ELMOD1: variants seen among roughly 807,000 people sequenced by gnomAD.
ELMOD1 encodes ELMO domain containing 1.
A neutral mutation model predicts 46.7 loss-of-function variants in ELMOD1; 21 were observed. The ratio of observed to expected loss-of-function variants is 0.45; its 90% confidence interval spans 0.32 to 0.65. ELMOD1 has a LOEUF of 0.65. ELMOD1 is among the 30% of genes least tolerant of loss of function. ELMOD1 has a pLI of 0.04. For missense variants in ELMOD1, 348 were observed against 407.8 expected, an observed-to-expected ratio of 0.85 and a Z score of 1.26; for synonymous variants, 122 against 138.2, an observed-to-expected ratio of 0.88 and a Z score of 0.82.
Position 107,631,606 on chromosome 11 carries a change from C to A in ELMOD1, c.219C>A (p.His73Gln). The part of the protein sequence containing the change: ...SKLLQTSVSV[H>Q]PDAIEKTIED... Reference sequence around the variant, plus strand: ...TGTTGCAGACTTCTGTGAGTGTTCACCCCGACGCTATTGAAAAAACTATAG... The same window carrying A: ...TGTTGCAGACTTCTGTGAGTGTTCAACCCGACGCTATTGAAAAAACTATAG... Residue 73 changes from histidine (H) to glutamine (Q), a missense_variant, in exon 5 of 12, where the codon CAC (histidine) becomes CAA (glutamine). Physicochemically the swap from His to Gln is conservative, Grantham distance 24. Transcript: ENST00000265840. 6.4e-7 allele frequency: 1 copy of A among 1,565,032 alleles called. No individual in the cohort carries two copies. The highest frequency in any genetic ancestry group is 8.7e-7 in the Non-Finnish European group (1 of 1,154,184).
chr11:107,591,159 G>T lies in ELMOD1; in HGVS notation c.-336G>T. ...CCCCGCTGCTCTCGGTCGCCTCCTC[G>T]CCGCCAGCCGCCCCGGGTGCATCCC... On this transcript the variant is annotated 5_prime_UTR_variant, in exon 1 of 12. Transcript: ENST00000265840. 6.5e-6 allele frequency: 1 copy of T among 153,276 alleles called. No individual in the cohort carries two copies. Among genetic ancestry groups the T allele is most frequent in the Non-Finnish European group, 1.4e-5 (1 of 68,984 alleles). 9.5% of individuals were successfully genotyped at this position (153,276 alleles called of 1,614,324 possible). A position where few individuals can be genotyped will look rare whatever the true frequency, so the allele number is the denominator to read the frequency against.
intron 11 of ELMOD1, among the ~76,000 whole-genome samples, chr11:107,658,293 T>G (rs74893323): frequency 0.047 from 7,199 of 152,332 alleles, 201 homozygotes; most frequent in South Asian, 0.079. Flanking sequence ...TATTTGATTC[T>G]GAACAATGTG....
At chr11:107,599,739 T>C (rs1865558535) in intron 1 of ELMOD1, among the ~76,000 whole-genome samples, 1 of 21,450 alleles carries the variant, frequency 4.7e-5, no homozygotes, top group East Asian at 3.9e-3. Flanking sequence ...GAGACCTGTC[T>C]CAAAAAAAAA....
At chr11:107,635,510 C>A in intron 5 of ELMOD1, 126 bp from the exon 6 acceptor site, 2 of 968,086 alleles carry the variant, frequency 2.1e-6, no homozygotes, top group Non-Finnish European at 3.0e-6. Context: ...AATAGATCAT[C>A]TTTGAGCAAT....
intron 2 of ELMOD1, among the ~76,000 whole-genome samples, chr11:107,630,056 C>T (rs990436236): frequency 6.6e-6 from 1 of 152,094 alleles, no homozygotes; most frequent in Admixed American, 6.5e-5. Context: ...GTTCTTCCCC[C>T]ACGTCAAAGG....
intron 11 of ELMOD1, among the ~76,000 whole-genome samples, chr11:107,656,704 C>T (rs1866640345): frequency 6.6e-6 from 1 of 152,048 alleles, no homozygotes; most frequent in African/African-American, 2.4e-5. Context: ...GTATCCCCTT[C>T]TGGTCTGACT....
intron 6 of ELMOD1, among the ~76,000 whole-genome samples, chr11:107,638,407 C>T (rs1866265549): frequency 6.6e-6 from 1 of 152,142 alleles, no homozygotes; most frequent in African/African-American, 2.4e-5. Flanking sequence ...CTGCTGTTGT[C>T]TTCATTTTTC....
At position 107,643,437 on chromosome 11, in the gene ELMOD1, A is replaced by G. The variant is rs541388523; in HGVS notation, c.421-4031A>G. ...AAAGTATGCTGGTCCAAGTTTTGCT[A>G]TAGATGATTCCTTTATACTAACCCT... On this transcript the variant is annotated intron_variant, in intron 6 of 11. Transcript: ENST00000265840. 5.9e-4 allele frequency: 141 copies of G among 239,688 alleles called. 5 individuals carry two copies. The South Asian group carries it at 7.7e-3, about 13-fold the overall frequency. 14.8% of individuals were successfully genotyped at this position (239,688 alleles called of 1,614,324 possible). A position where few individuals can be genotyped will look rare whatever the true frequency, so the allele number is the denominator to read the frequency against.
At chr11:107,643,779 A>G (rs1201496945) in intron 6 of ELMOD1, 7 of 438,058 alleles carry the variant, frequency 1.6e-5, no homozygotes, top group East Asian at 5.8e-5. Context: ...ACTGCTGAAC[A>G]GCTAGCGTAC....
chr11:107,595,486 A>G (rs1187698528), intron 1 of ELMOD1, among the ~76,000 whole-genome samples: 2 of 152,210 alleles, frequency 1.3e-5, no homozygotes, highest in Non-Finnish European at 2.9e-5. Flanking sequence ...CAATTAGGCC[A>G]TAGGTTTTGT....
At chr11:107,595,997 G>A (rs938693623) in intron 1 of ELMOD1, among the ~76,000 whole-genome samples, 1 of 151,980 alleles carries the variant, frequency 6.6e-6, no homozygotes, top group African/African-American at 2.4e-5. Flanking sequence ...AATAATTGTG[G>A]CAAATGCCTA....
chr11:107,650,476 C>T (rs570892039), intron 8 of ELMOD1, 73 bp downstream of exon 8: 1 of 1,061,102 alleles, frequency 9.4e-7, no homozygotes, highest in Non-Finnish European at 1.4e-6. Flanking sequence ...CTACATGTAT[C>T]TGTTGATGAG....
chr11:107,655,845 C>G, intron 10 of ELMOD1, 88 bp from the exon 11 acceptor site: 1 of 1,387,112 alleles, frequency 7.2e-7, no homozygotes, highest in South Asian at 1.4e-5. Flanking sequence ...TGTCGTGGCA[C>G]TGGTAGGAGT....
At chr11:107,606,047 T>C (rs1004326466) in intron 1 of ELMOD1, among the ~76,000 whole-genome samples, 1 of 152,244 alleles carries the variant, frequency 6.6e-6, no homozygotes, top group African/African-American at 2.4e-5. Context: ...TTTTCTTTCC[T>C]TCTCTTTCTT....
intron 11 of ELMOD1, among the ~76,000 whole-genome samples, chr11:107,663,033 A>G (rs1271475317): frequency 6.6e-6 from 1 of 152,096 alleles, no homozygotes. Context: ...CTGGCAAGAA[A>G]CAAGCTTTTA....
At chr11:107,656,511 GAGAT>G (rs1423567082) in intron 11 of ELMOD1, among the ~76,000 whole-genome samples, 1 of 150,752 alleles carries the variant, frequency 6.6e-6, no homozygotes, top group Admixed American at 6.6e-5. Flanking sequence ...GAGAAAGAGA[GAGAT>G]TTCTGTAGAA....
chr11:107,603,580 C>G (rs1362412652), intron 1 of ELMOD1, among the ~76,000 whole-genome samples: 5 of 151,672 alleles, frequency 3.3e-5, no homozygotes, highest in Non-Finnish European at 7.4e-5. Flanking sequence ...AACCTTTCAA[C>G]CAAGCCTCTA....
At chr11:107,623,885 A>G (rs185697567) in intron 2 of ELMOD1, 2 of 152,222 alleles carry the variant, frequency 1.3e-5, no homozygotes, top group African/African-American at 4.8e-5. Flanking sequence ...ATTTGGCTCT[A>G]TGAAGGAATA....
chr11:107,647,312 T>C (rs540829741), intron 6 of ELMOD1, among the ~76,000 whole-genome samples, 156 bp from the exon 7 acceptor site: 18 of 152,288 alleles, frequency 1.2e-4, no homozygotes, highest in East Asian at 3.9e-4. Context: ...TCTTTTTTTT[T>C]TCTCTCTTTC....
Sources: gnomAD v4.1 joint callset for allele counts (sites outside exome capture counted in the v4.1 genomes callset) on GRCh38, gnomAD v4.1.1 for gene constraint, MANE v1.5 for transcripts, NCBI Gene and HGNC (gene_info 2026-07-23, HGNC 2026-07-21) for gene names.